TG: variants seen among roughly 807,000 people sequenced by gnomAD.
TG encodes thyroglobulin.
Under a neutral mutation model 324.7 loss-of-function variants are expected in TG, and 270 were observed. That is an observed-to-expected ratio of 0.83 (90% CI 0.75 to 0.92). The LOEUF (loss-of-function observed/expected upper bound fraction) is 0.92, where lower values mean the gene tolerates loss of function less well. Among genes scored for constraint, TG ranks in the 40% least tolerant of loss-of-function variants. The pLI is 0.00. For missense variants in TG, 3,591 were observed against 3,456.4 expected (o/e 1.04, Z -0.98); for synonymous variants, 1,401 against 1,327.0 (o/e 1.06, Z -1.21).
chr8:132,953,475 G>T (rs922869795), intron 27 of TG, among the ~76,000 whole-genome samples: 1 of 152,192 alleles, frequency 6.6e-6, no homozygotes, highest in Admixed American at 6.5e-5. Context: ...TGGACTGACA[G>T]GGATTGTAGG....
chr8:133,012,986 C>A (rs1299354208), intron 36 of TG, among the ~76,000 whole-genome samples: 1 of 152,114 alleles, frequency 6.6e-6, no homozygotes, highest in Non-Finnish European at 1.5e-5. Flanking sequence ...GCTGAGGAGG[C>A]ATTGAAGAAC....
chr8:133,098,576 C>T (rs780920771), intron 43 of TG, among the ~76,000 whole-genome samples: 14 of 152,144 alleles, frequency 9.2e-5, no homozygotes, highest in Non-Finnish European at 1.9e-4. Flanking sequence ...TTCTTTGGAC[C>T]ATGTACTGAA....
At chr8:133,104,595 G>C (rs73354678) in intron 43 of TG, among the ~76,000 whole-genome samples, 52 of 152,246 alleles carry the variant, frequency 3.4e-4, no homozygotes, top group Middle Eastern at 3.4e-3. Context: ...AAGAAAATGC[G>C]GTATCACAAT....
chr8:133,057,778 A>AAC (rs1429477503), intron 41 of TG, among the ~76,000 whole-genome samples: 7 of 151,866 alleles, frequency 4.6e-5, no homozygotes, highest in Admixed American at 6.6e-5. Flanking sequence ...AAAAAACAAA[A>AAC]AAAAAAAAAC....
In TG at chr8:132,953,090, T is replaced by C. The variant is rs150659977; in HGVS notation, c.5401+4147T>C. On this transcript the variant is annotated intron_variant, in intron 27 of 47. Coordinates refer to ENST00000220616, the MANE Select transcript of TG (RefSeq NM_003235.5). Reference sequence around the variant, plus strand: ...TTGGGGCCAGCTATGCTCCAGATATTGGGTATTAATGCCTGCTAATGGGAT... The same window carrying C: ...TTGGGGCCAGCTATGCTCCAGATATCGGGTATTAATGCCTGCTAATGGGAT... 8.5e-5 allele frequency among the ~76,000 whole-genome samples: 13 copies of C among 152,316 alleles called. No individual in the cohort carries two copies. In the East Asian group the frequency reaches 2.5e-3, roughly 29 times the overall value.
At chr8:132,869,637 T>C in intron 2 of TG, 92 bp from the exon 3 acceptor site, 9 of 1,134,032 alleles carry the variant, frequency 7.9e-6, no homozygotes, top group South Asian at 3.8e-5. Context: ...CTTGCAAGAA[T>C]GGAAATGAAG....
chr8:132,878,621 C>CA (rs558752062), intron 5 of TG, among the ~76,000 whole-genome samples: 2,873 of 140,062 alleles, frequency 0.021, 49 homozygotes, highest in Middle Eastern at 0.035. Context: ...AAAAAAAAAA[C>CA]AAAAAAAAAA....
At chr8:133,098,409 A>G (rs1045804446) in intron 43 of TG, among the ~76,000 whole-genome samples, 7 of 152,224 alleles carry the variant, frequency 4.6e-5, no homozygotes, top group African/African-American at 1.7e-4. Context: ...GCCCCTAAAC[A>G]CTGTCCGCCC....
At chr8:133,099,570 G>T (rs989649328) in intron 43 of TG, among the ~76,000 whole-genome samples, 8 of 152,114 alleles carry the variant, frequency 5.3e-5, no homozygotes, top group African/African-American at 1.7e-4. Context: ...TCACTTACAT[G>T]TCTCATAGTG....
At chr8:133,085,377 T>G (rs531536649) in intron 41 of TG, among the ~76,000 whole-genome samples, 5 of 152,268 alleles carry the variant, frequency 3.3e-5, no homozygotes, top group Admixed American at 6.5e-5. Context: ...ATTTAAAAAA[T>G]TCTGTGCTCC....
Position 132,982,541 on chromosome 8 carries a change from G to A in TG, c.6200-809G>A, listed in dbSNP as rs116574303. On this transcript the variant is annotated intron_variant, in intron 34 of 47. Transcript: ENST00000220616. ...GAAAATAGAGGAAGTTAGAGGACTT[G>A]TTACTCTACGCTGCTTCCAAGTGGT... 1.5e-3 allele frequency among the ~76,000 whole-genome samples: 227 copies of A among 152,332 alleles called. 1 individual carries two copies. The highest frequency in any genetic ancestry group is 5.2e-3 in the African/African-American group (217 of 41,566).
intron 41 of TG, chr8:133,040,141 A>G (rs1271835854): frequency 6.3e-7 from 1 of 1,577,858 alleles, no homozygotes; most frequent in Admixed American, 1.8e-5. Flanking sequence ...CTGAGGAGGG[A>G]AGCAGACAGC....
At chr8:132,952,257 C>G (rs1371586741) in intron 27 of TG, among the ~76,000 whole-genome samples, 2 of 152,156 alleles carry the variant, frequency 1.3e-5, no homozygotes, top group Non-Finnish European at 2.9e-5. Flanking sequence ...TGGTGCTGAG[C>G]ACAGCAGGCT....
intron 20 of TG, among the ~76,000 whole-genome samples, chr8:132,915,793 A>G (rs528039943): frequency 1.7e-4 from 26 of 152,212 alleles, no homozygotes; most frequent in Non-Finnish European, 3.4e-4. Context: ...GTCTTGCTCT[A>G]GATAAACCTA....
chr8:132,987,312 A>C (rs2130731572), intron 35 of TG, among the ~76,000 whole-genome samples: 1 of 152,332 alleles, frequency 6.6e-6, no homozygotes, highest in African/African-American at 2.4e-5. Context: ...CTCTGCCTTC[A>C]GGGTGTTGAA....
chr8:132,995,704 A>C (rs1832810661), intron 35 of TG, among the ~76,000 whole-genome samples: 1 of 152,206 alleles, frequency 6.6e-6, no homozygotes, highest in Non-Finnish European at 1.5e-5. Context: ...GTTAGGAGTC[A>C]AACTTCTTAG....
At chr8:132,960,475 C>G (rs770755186) in intron 27 of TG, among the ~76,000 whole-genome samples, 3 of 152,152 alleles carry the variant, frequency 2.0e-5, no homozygotes, top group Non-Finnish European at 4.4e-5. Flanking sequence ...AGAGTGGGAT[C>G]CAGGGGAGAA....
intron 25 of TG, among the ~76,000 whole-genome samples, chr8:132,939,701 G>A (rs578180761): frequency 4.2e-4 from 64 of 151,522 alleles, no homozygotes; most frequent in Non-Finnish European, 8.8e-4. Context: ...TTTTAAGATG[G>A]AGTCTCACTC....
intron 45 of TG, among the ~76,000 whole-genome samples, chr8:133,126,743 C>G (rs904545572): frequency 4.6e-5 from 7 of 151,792 alleles, no homozygotes; most frequent in African/African-American, 1.7e-4. Flanking sequence ...CAAAGAGAGG[C>G]ACGCTTATAA....
Sources: gnomAD v4.1 joint callset for allele counts (sites outside exome capture counted in the v4.1 genomes callset) on GRCh38, gnomAD v4.1.1 for gene constraint, MANE v1.5 for transcripts, NCBI Gene and HGNC (gene_info 2026-07-23, HGNC 2026-07-21) for gene names.